The following REDIC1 variants were observed in gnomAD, a reference collection of about 807,000 sequenced individuals.
REDIC1 encodes the protein HEI10 Interacting Protein 1.
the REDIC1 span, among the ~76,000 whole-genome samples, chr12:39,636,135 T>G: frequency 6.6e-6 from 1 of 152,114 alleles, no homozygotes; most frequent in African/African-American, 2.4e-5. Flanking sequence ...TGAAATATCT[T>G]CCACTGTGTG....
At chr12:39,639,182 G>A in the REDIC1 span, among the ~76,000 whole-genome samples, 1 of 151,826 alleles carries the variant, frequency 6.6e-6, no homozygotes, top group Non-Finnish European at 1.5e-5. Flanking sequence ...CAAATAAGTC[G>A]GTAAAATGAA....
At chr12:39,787,072 C>T in the REDIC1 span, among the ~76,000 whole-genome samples, 1 of 152,082 alleles carries the variant, frequency 6.6e-6, no homozygotes, top group Non-Finnish European at 1.5e-5. Context: ...CGGTAAACCT[C>T]TGATCTATGT....
the REDIC1 span, among the ~76,000 whole-genome samples, chr12:39,681,535 T>G: frequency 2.2e-4 from 33 of 152,338 alleles, no homozygotes; most frequent in Non-Finnish European, 4.4e-4. Flanking sequence ...TTACCTCTAT[T>G]TTATGTAGAG....
At chr12:39,760,705 C>A in the REDIC1 span, among the ~76,000 whole-genome samples, 1 of 151,948 alleles carries the variant, frequency 6.6e-6, no homozygotes, top group Non-Finnish European at 1.5e-5. Flanking sequence ...TTTCCCTCCA[C>A]TAGAATGTAA....
chr12:39,721,133 G>T, the REDIC1 span: 2 of 1,613,620 alleles, frequency 1.2e-6, no homozygotes, highest in Non-Finnish European at 1.7e-6. Flanking sequence ...GCCATACAGT[G>T]TGATCTAATT....
At chr12:39,776,092 C>A in the REDIC1 span, among the ~76,000 whole-genome samples, 2 of 152,186 alleles carry the variant, frequency 1.3e-5, no homozygotes, top group Non-Finnish European at 2.9e-5. Flanking sequence ...GGGGCTTCTT[C>A]TTCCATATTG....
At chr12:39,755,357 T>C in the REDIC1 span, 1 of 152,188 alleles carries the variant, frequency 6.6e-6, no homozygotes, top group East Asian at 1.9e-4. Context: ...AATTAAAATA[T>C]ACAGTTTGAA....
At chr12:39,669,159 C>T in the REDIC1 span, among the ~76,000 whole-genome samples, 1 of 152,098 alleles carries the variant, frequency 6.6e-6, no homozygotes, top group Non-Finnish European at 1.5e-5. Context: ...TTTTTCTGCT[C>T]CGTTTTTTCC....
the REDIC1 span, among the ~76,000 whole-genome samples, chr12:39,694,270 T>C: frequency 6.6e-6 from 1 of 152,132 alleles, no homozygotes; most frequent in African/African-American, 2.4e-5. Flanking sequence ...AAAAAACACC[T>C]TCCTAAGAAC....
chr12:39,893,782 T>C, the REDIC1 span, among the ~76,000 whole-genome samples: 1 of 152,248 alleles, frequency 6.6e-6, no homozygotes, highest in African/African-American at 2.4e-5. Context: ...TGAAAAGAAA[T>C]ACATTTTCTG....
the REDIC1 span, among the ~76,000 whole-genome samples, chr12:39,723,122 C>A: frequency 1.9e-4 from 29 of 152,244 alleles, no homozygotes; most frequent in African/African-American, 7.0e-4. Context: ...GTAATGCTGT[C>A]CATCACTCCA....
the REDIC1 span, among the ~76,000 whole-genome samples, chr12:39,676,045 G>A: frequency 7.9e-5 from 12 of 151,910 alleles, no homozygotes; most frequent in South Asian, 8.3e-4. Context: ...ACAAGTTTCC[G>A]TAACACCCCC....
chr12:39,743,073 C>CT, the REDIC1 span, among the ~76,000 whole-genome samples: 2 of 6,190 alleles, frequency 3.2e-4, no homozygotes, highest in South Asian at 7.3e-3. Flanking sequence ...AGAAAAATCC[C>CT]CTGTGCCTCT....
chr12:39,719,038 C>G, the REDIC1 span, among the ~76,000 whole-genome samples: 1 of 152,102 alleles, frequency 6.6e-6, no homozygotes, highest in Admixed American at 6.6e-5. Context: ...AGGTATTTCA[C>G]AAAAGTACAT....
the REDIC1 span, among the ~76,000 whole-genome samples, chr12:39,836,333 T>C: frequency 6.6e-6 from 1 of 152,216 alleles, no homozygotes; most frequent in Non-Finnish European, 1.5e-5. Flanking sequence ...CAAGTACAGT[T>C]AGAACCAAAT....
chr12:39,678,162 T>A, the REDIC1 span, among the ~76,000 whole-genome samples: 1 of 151,950 alleles, frequency 6.6e-6, no homozygotes, highest in Non-Finnish European at 1.5e-5. Context: ...GAAAAGCTGG[T>A]TCTTTGAAAA....
At chr12:39,709,684 G>C in the REDIC1 span, among the ~76,000 whole-genome samples, 1 of 151,194 alleles carries the variant, frequency 6.6e-6, no homozygotes, top group African/African-American at 2.4e-5. Flanking sequence ...CTTCTTTTTC[G>C]TTGCTGAATA....
the REDIC1 span, among the ~76,000 whole-genome samples, chr12:39,711,793 G>A: frequency 0.018 from 2,260 of 124,450 alleles, 109 homozygotes; most frequent in African/African-American, 0.061. Context: ...GTATGTGTGT[G>A]TACACATGCA....
the REDIC1 span, among the ~76,000 whole-genome samples, chr12:39,818,645 T>C: frequency 1.3e-5 from 2 of 152,194 alleles, no homozygotes; most frequent in East Asian, 3.8e-4. Context: ...CTAACTGTCC[T>C]AGCTGATGTC....
Sources: allele counts gnomAD v4.1 joint callset (sites outside exome capture counted in the v4.1 genomes callset), GRCh38; gene constraint gnomAD v4.1.1; transcripts MANE v1.5; gene names NCBI Gene and HGNC (gene_info 2026-07-23, HGNC 2026-07-21).